Variants in EYS observed in about 807,000 individuals in gnomAD.
EYS encodes protein eyes shut homolog.
EYS carries 250 observed loss-of-function variants against 282.1 expected under a neutral mutation model. The ratio of observed to expected loss-of-function variants is 0.89; its 90% confidence interval spans 0.80 to 0.98. The LOEUF is 0.98. Among genes scored for constraint, EYS ranks in the 50% least tolerant of loss-of-function variants. The pLI is 0.00. For synonymous variants in EYS, 1,355 were observed against 1,282.9 expected, an observed-to-expected ratio of 1.06 and a Z score of -1.20; for missense variants, 4,016 against 3,709.0, an observed-to-expected ratio of 1.08 and a Z score of -2.15.
At chr6:64,944,737 A>G (rs958658043) in intron 15 of EYS, among the ~76,000 whole-genome samples, 3 of 152,084 alleles carry the variant, frequency 2.0e-5, no homozygotes, top group Non-Finnish European at 4.4e-5. Context: ...TGGGAACTGA[A>G]TGTCTCGGTA....
chr6:64,896,676 A>T (rs1767480691), intron 18 of EYS, among the ~76,000 whole-genome samples: 1 of 152,108 alleles, frequency 6.6e-6, no homozygotes, highest in Non-Finnish European at 1.5e-5. Context: ...ACCCCCACAG[A>T]GCCCAGCAAC....
intron 31 of EYS, among the ~76,000 whole-genome samples, chr6:64,215,391 T>C (rs565496386): frequency 6.6e-6 from 1 of 152,150 alleles, no homozygotes; most frequent in East Asian, 1.9e-4. Flanking sequence ...GAAGGGTAAA[T>C]GTAAGTGTTA....
At chr6:65,550,342 T>TA (rs1397379113) in intron 2 of EYS, among the ~76,000 whole-genome samples, 1 of 31,420 alleles carries the variant, frequency 3.2e-5, no homozygotes, top group Non-Finnish European at 4.7e-5. Context: ...TTTATTTATT[T>TA]TTTTTTTTAT....
At chr6:64,146,245 T>C (rs1774514582) in intron 31 of EYS, among the ~76,000 whole-genome samples, 1 of 152,186 alleles carries the variant, frequency 6.6e-6, no homozygotes, top group African/African-American at 2.4e-5. Flanking sequence ...TTACCATCCA[T>C]TGTACTCACT....
At chr6:64,950,802 T>TATAC (rs1417056369) in intron 14 of EYS, among the ~76,000 whole-genome samples, 14 of 78,258 alleles carry the variant, frequency 1.8e-4, no homozygotes, top group African/African-American at 5.6e-4. Context: ...CATATACATA[T>TATAC]ATATATATAT....
At chr6:64,113,330 T>C (rs1773269036) in intron 31 of EYS, among the ~76,000 whole-genome samples, 1 of 152,162 alleles carries the variant, frequency 6.6e-6, no homozygotes, top group Non-Finnish European at 1.5e-5. Context: ...CGTTTGAATC[T>C]CAGATCTGTT....
At chr6:65,130,188 A>G (rs1049901157) in intron 12 of EYS, among the ~76,000 whole-genome samples, 1 of 151,810 alleles carries the variant, frequency 6.6e-6, no homozygotes. Flanking sequence ...CAAGGGCTGA[A>G]AAACTACCGC....
chr6:65,398,054 C>A (rs940617491), intron 7 of EYS, among the ~76,000 whole-genome samples: 3 of 151,912 alleles, frequency 2.0e-5, no homozygotes, highest in African/African-American at 7.2e-5. Context: ...TTTATATCTT[C>A]TTTTAAAAAA....
intron 31 of EYS, among the ~76,000 whole-genome samples, chr6:64,134,752 G>A (rs1373738459): frequency 1.3e-5 from 2 of 152,018 alleles, no homozygotes; most frequent in Non-Finnish European, 2.9e-5. Context: ...CCTGACTAAC[G>A]AGGAGCTCTG....
chr6:64,059,433 T>G (rs1771089498), intron 33 of EYS, among the ~76,000 whole-genome samples: 4 of 152,212 alleles, frequency 2.6e-5, no homozygotes. Context: ...AATATGTTTT[T>G]TAAACATCAA....
intron 36 of EYS, among the ~76,000 whole-genome samples, chr6:63,855,125 G>A (rs531845755): frequency 4.6e-5 from 7 of 152,290 alleles, no homozygotes; most frequent in South Asian, 2.1e-4. Context: ...CTGTGCTACC[G>A]CACATGGTGA....
At chr6:64,389,194 T>A (rs951463603) in intron 28 of EYS, among the ~76,000 whole-genome samples, 1 of 152,174 alleles carries the variant, frequency 6.6e-6, no homozygotes, top group Non-Finnish European at 1.5e-5. Flanking sequence ...TTAAAAAGAA[T>A]CAAATTTCAA....
At chr6:65,353,268 T>G (rs2150326988) in intron 9 of EYS, among the ~76,000 whole-genome samples, 190 bp downstream of exon 9, 1 of 152,180 alleles carries the variant, frequency 6.6e-6, no homozygotes, top group African/African-American at 2.4e-5. Flanking sequence ...CAAGTAGATT[T>G]CCTAGGATGT....
chr6:64,381,614 C>T (rs938201584), intron 29 of EYS, among the ~76,000 whole-genome samples: 7 of 152,008 alleles, frequency 4.6e-5, no homozygotes, highest in Non-Finnish European at 8.8e-5. Context: ...GTTGTTTTTA[C>T]TTTTTATATT....
At chr6:64,259,622 T>A (rs1582498520) in intron 30 of EYS, among the ~76,000 whole-genome samples, 1 of 149,004 alleles carries the variant, frequency 6.7e-6, no homozygotes. Flanking sequence ...ACCTACCCCC[T>A]ACTCTCTCCC....
chr6:63,909,770 AC>A (rs1223777331), intron 35 of EYS, among the ~76,000 whole-genome samples: 1 of 152,148 alleles, frequency 6.6e-6, no homozygotes, highest in East Asian at 1.9e-4. Context: ...TGTCTGAGCC[AC>A]CCCCAGAAAT....
At chr6:63,881,042 A>T (rs752294838) in intron 35 of EYS, among the ~76,000 whole-genome samples, 80 of 152,080 alleles carry the variant, frequency 5.3e-4, no homozygotes, top group Non-Finnish European at 9.4e-4. Flanking sequence ...AGATGTGACA[A>T]TTTTCTTTTA....
chr6:65,497,878 A>G (rs941570451), intron 2 of EYS, among the ~76,000 whole-genome samples: 2 of 152,048 alleles, frequency 1.3e-5, no homozygotes, highest in African/African-American at 4.8e-5. Context: ...TACATTGAGA[A>G]CTCACTATAA....
At chr6:64,535,475 C>A (rs368762181) in intron 26 of EYS, among the ~76,000 whole-genome samples, 7 of 151,938 alleles carry the variant, frequency 4.6e-5, no homozygotes, top group Non-Finnish European at 1.0e-4. Flanking sequence ...CAGTGGCTCA[C>A]GCCTATAATC....
Sources: allele counts gnomAD v4.1 joint callset (sites outside exome capture counted in the v4.1 genomes callset), GRCh38; gene constraint gnomAD v4.1.1; transcripts MANE v1.5; gene names NCBI Gene and HGNC (gene_info 2026-07-23, HGNC 2026-07-21).